The following PIWIL2 variants were observed in gnomAD, a reference collection of about 807,000 sequenced individuals.
PIWIL2 encodes piwi-like protein 2.
A neutral mutation model predicts 116.5 loss-of-function variants in PIWIL2; 81 were observed. The observed-to-expected ratio is 0.70, with a 90% CI of 0.58 to 0.84. The LOEUF (loss-of-function observed/expected upper bound fraction) is 0.84, where lower values mean the gene tolerates loss of function less well. Ranked by LOEUF, PIWIL2 falls within the 40% of genes least tolerant of loss-of-function variation. PIWIL2 has a pLI of 0.00. For synonymous variants in PIWIL2, 489 were observed against 429.5 expected, an observed-to-expected ratio of 1.14 and a Z score of -1.71; for missense variants, 1,272 against 1,212.3, an observed-to-expected ratio of 1.05 and a Z score of -0.73.
chr8:22,296,622 C>G (rs535596403), intron 10 of PIWIL2, among the ~76,000 whole-genome samples: 1 of 152,292 alleles, frequency 6.6e-6, no homozygotes, highest in South Asian at 2.1e-4. Flanking sequence ...ATCGTCCTTG[C>G]TTTTAGATTT....
intron 19 of PIWIL2, among the ~76,000 whole-genome samples, chr8:22,316,928 A>G (rs531649868): frequency 6.6e-6 from 1 of 151,284 alleles, no homozygotes; most frequent in Admixed American, 6.6e-5. Context: ...AGCTGGGACC[A>G]CAAGCATGTG....
At chr8:22,331,264 G>A (rs1369174488) in intron 20 of PIWIL2, among the ~76,000 whole-genome samples, 1 of 152,022 alleles carries the variant, frequency 6.6e-6, no homozygotes, top group East Asian at 1.9e-4. Context: ...TTTTAGCCAA[G>A]GTAGGAGGAT....
rs896449582 is a variant in PIWIL2, at chr8:22,303,101, T to C, written c.1182-920T>C. On this transcript the variant is annotated intron_variant, in intron 10 of 22. Coordinates refer to ENST00000356766, the MANE Select transcript of PIWIL2 (RefSeq NM_018068.5). ...CAAAGCTAGAGAATAGACTGGTAGT[T>C]ACCAGATCTAGGGAAGGAGGGGGAG... Among the ~76,000 whole-genome samples the C allele has an allele frequency of 2.6e-5, 4 of 152,216 alleles. No individual in the cohort carries two copies. The East Asian group carries it at 5.8e-4, about 22-fold the overall frequency.
At chr8:22,336,387 CAA>C (rs1831982196) in intron 20 of PIWIL2, among the ~76,000 whole-genome samples, 1 of 151,828 alleles carries the variant, frequency 6.6e-6, no homozygotes, top group African/African-American at 2.4e-5. Context: ...ACCAGTGGCT[CAA>C]AGAAGAAATT....
intron 13 of PIWIL2, among the ~76,000 whole-genome samples, chr8:22,306,949 G>A (rs1831196858): frequency 6.6e-6 from 1 of 152,178 alleles, no homozygotes; most frequent in African/African-American, 2.4e-5. Flanking sequence ...ACTCACTTAT[G>A]TGATTCAGAA....
At position 22,356,436 on chromosome 8, in the gene PIWIL2, C is replaced by A. The variant is rs566869122; in HGVS notation, c.*931C>A. Reference sequence around the variant, plus strand: ...GCCTCTTGAAAGAGTGCAGATGAAGCCTTTTCCGTGGATTTCAGTAACTTT... The same window carrying A: ...GCCTCTTGAAAGAGTGCAGATGAAGACTTTTCCGTGGATTTCAGTAACTTT... On this transcript the variant is annotated 3_prime_UTR_variant, in exon 23 of 23. Transcript: ENST00000356766. 5 of 152,216 alleles carry A rather than the reference C, an allele frequency of 3.3e-5. No individual in the cohort carries two copies. The highest frequency in any genetic ancestry group is 2.1e-4 in the South Asian group (1 of 4,820). 9.4% of individuals were successfully genotyped at this position (152,216 alleles called of 1,614,324 possible). A position where few individuals can be genotyped will look rare whatever the true frequency, so the allele number is the denominator to read the frequency against.
chr8:22,290,271 G>A lies in PIWIL2; in HGVS notation c.1106G>A (p.Arg369Lys), dbSNP rs964916536. The A allele has an allele frequency of 1.2e-6, 2 of 1,611,826 alleles. No individual in the cohort carries two copies. Among genetic ancestry groups the A allele is most frequent in the Non-Finnish European group, 1.7e-6 (2 of 1,178,168 alleles). ...IWPGYAASIR[R>K]TDGGLFLLAD... ...CCAGGCTATGCAGCTAGCATCCGAA[G>A]GACAGATGGAGGGCTCTTCCTGCTA... The change falls in exon 10 of 23, where the codon AGG becomes AAG. Residue 369 changes from arginine (R) to lysine (K), a missense_variant. Coordinates refer to ENST00000356766, the MANE Select transcript of PIWIL2 (RefSeq NM_018068.5).
At chr8:22,301,429 G>C (rs1238151313) in intron 10 of PIWIL2, among the ~76,000 whole-genome samples, 1 of 151,958 alleles carries the variant, frequency 6.6e-6, no homozygotes, top group African/African-American at 2.4e-5. Flanking sequence ...GAGTAGCTGG[G>C]ACTACAGGCA....
chr8:22,294,255 T>C (rs764619545), intron 10 of PIWIL2, among the ~76,000 whole-genome samples: 4 of 149,536 alleles, frequency 2.7e-5, no homozygotes, highest in Non-Finnish European at 5.9e-5. Context: ...CGAGAATCGC[T>C]TGAACCCGGG....
intron 5 of PIWIL2, among the ~76,000 whole-genome samples, chr8:22,283,480 C>T (rs980491369): frequency 6.6e-6 from 1 of 152,258 alleles, no homozygotes; most frequent in Non-Finnish European, 1.5e-5. Flanking sequence ...GCAATCTTGG[C>T]TCATTGTAAC....
intron 10 of PIWIL2, among the ~76,000 whole-genome samples, chr8:22,302,459 G>A (rs1831073839): frequency 6.6e-6 from 1 of 152,164 alleles, no homozygotes; most frequent in African/African-American, 2.4e-5. Flanking sequence ...GATTACAGGT[G>A]TGAGCTACTG....
intron 20 of PIWIL2, among the ~76,000 whole-genome samples, chr8:22,351,323 A>C (rs1373480900): frequency 6.7e-6 from 1 of 149,602 alleles, no homozygotes; most frequent in Non-Finnish European, 1.5e-5. Context: ...AATTCTTAAA[A>C]AAAAAAACAA....
chr8:22,320,806 T>C (rs772907845), intron 20 of PIWIL2, among the ~76,000 whole-genome samples: 85 of 152,200 alleles, frequency 5.6e-4, no homozygotes, highest in Non-Finnish European at 1.1e-3. Context: ...TTGGCCAGGC[T>C]GGTCTCAAAC....
intron 19 of PIWIL2, among the ~76,000 whole-genome samples, chr8:22,316,726 C>T (rs1219706232): frequency 6.6e-6 from 1 of 152,148 alleles, no homozygotes; most frequent in East Asian, 1.9e-4. Context: ...AGGTGATCCG[C>T]CCACCTCAGC....
At chr8:22,287,735 T>C (rs1013897848) in intron 7 of PIWIL2, 90 bp downstream of exon 7, 3 of 823,774 alleles carry the variant, frequency 3.6e-6, no homozygotes, top group Non-Finnish European at 6.3e-6. Context: ...GATTGGGTCT[T>C]GCTATGTTGC....
Position 22,320,497 on chromosome 8 carries a change from G to A in PIWIL2, c.2403+2222G>A, listed in dbSNP as rs939912787. Among the ~76,000 whole-genome samples, 14 of 151,058 alleles carry A rather than the reference G, an allele frequency of 9.3e-5. 1 individual carries two copies. Among genetic ancestry groups the A allele is most frequent in the Admixed American group, 4.6e-4 (7 of 15,144 alleles). On this transcript the variant is annotated intron_variant, in intron 20 of 22. Transcript: ENST00000356766. ...ATGTTGGCCAGACTGGGCTGGTCTC[G>A]AACTCTTAATCTCAAGTGATCCGCC...
intron 20 of PIWIL2, among the ~76,000 whole-genome samples, chr8:22,333,834 TA>T (rs1241341731): frequency 1.3e-5 from 2 of 151,922 alleles, no homozygotes; most frequent in African/African-American, 4.8e-5. Context: ...AGGAATATAA[TA>T]AAAAACCTTA....
At chr8:22,344,704 C>CA (rs1201594896) in intron 20 of PIWIL2, among the ~76,000 whole-genome samples, 1 of 151,738 alleles carries the variant, frequency 6.6e-6, no homozygotes, top group Non-Finnish European at 1.5e-5. Context: ...CCTATCTCTA[C>CA]AAAAATAAAA....
chr8:22,336,666 G>A (rs944936773), intron 20 of PIWIL2, among the ~76,000 whole-genome samples: 12 of 152,076 alleles, frequency 7.9e-5, no homozygotes, highest in African/African-American at 2.7e-4. Context: ...CAGGTACTCC[G>A]GAGGCTGCAG....
Sources: gnomAD v4.1 joint callset for allele counts (sites outside exome capture counted in the v4.1 genomes callset) on GRCh38, gnomAD v4.1.1 for gene constraint, MANE v1.5 for transcripts, NCBI Gene and HGNC (gene_info 2026-07-23, HGNC 2026-07-21) for gene names.